NEUROG1: variants seen among roughly 807,000 people sequenced by gnomAD.
NEUROG1 encodes neurogenin-1.
NEUROG1 carries 5 observed loss-of-function variants against 5.7 expected under a neutral mutation model. That is an observed-to-expected ratio of 0.88 (90% CI 0.46 to 1.85). The LOEUF (loss-of-function observed/expected upper bound fraction) is 1.85, where lower values mean the gene tolerates loss of function less well. Among genes scored for constraint, NEUROG1 ranks in the 40% most tolerant of loss-of-function variants. NEUROG1 has a pLI of 0.01. For missense variants in NEUROG1, 403 were observed against 345.7 expected (o/e 1.17, Z -1.32); for synonymous variants, 196 against 157.4 (o/e 1.25, Z -1.84).
Position 135,535,427 on chromosome 5 carries a change from C to A in NEUROG1, c.264G>T (p.Ser88=), listed in dbSNP as rs1205018650. 1 of 1,595,222 alleles carries A rather than the reference C, an allele frequency of 6.3e-7. No homozygotes were observed. The highest frequency in any genetic ancestry group is 8.5e-7 in the Non-Finnish European group (1 of 1,171,700). ...CCTTGACGCGCCGGCTCCTGCGCAG[C>A]GAGTGCAGCAGCGCCTCGGAGCGGA... ...TRVRSEALLH[S]LRRSRRVKAN... is the part of the protein sequence containing the mutation. Residue 88 remains serine, a synonymous_variant, in exon 1 of 1, where the codon TCG becomes TCT. Coordinates refer to ENST00000314744, the MANE Select transcript of NEUROG1 (RefSeq NM_006161.3).
Position 135,535,236 on chromosome 5 carries a change from T to TC in NEUROG1, c.454dup (p.Asp152GlyfsTer47). On this transcript the variant is annotated frameshift_variant, in exon 1 of 1. Coordinates refer to ENST00000314744, the MANE Select transcript of NEUROG1 (RefSeq NM_006161.3). LOFTEE classifies it high-confidence loss of function. ...GGCACCGCCTCCGGGCAGCCCTTGA[T>TC]CCGCCAGGCGCAGTGTCTCGGCCAG... The TC allele has an allele frequency of 1.2e-6, 2 of 1,612,986 alleles. No homozygotes were observed. Among genetic ancestry groups the TC allele is most frequent in the Non-Finnish European group, 8.5e-7 (1 of 1,179,562 alleles).
rs1178750931 is a variant in NEUROG1, at chr5:135,534,932, C to A, written c.*45G>T. On this transcript the variant is annotated 3_prime_UTR_variant, in exon 1 of 1. Transcript: ENST00000314744. Reference sequence around the variant, plus strand: ...GCGGCAGCTGGGGCCCCATCTATTGCCTGCTGACTAGGGGAGGGGGAAAGT... The same window carrying A: ...GCGGCAGCTGGGGCCCCATCTATTGACTGCTGACTAGGGGAGGGGGAAAGT... The A allele has an allele frequency of 1.3e-6, 2 of 1,578,530 alleles. No homozygotes were observed. Among genetic ancestry groups the A allele is most frequent in the Admixed American group, 1.8e-5 (1 of 54,826 alleles).
In NEUROG1 at chr5:135,535,752, T is replaced by C; in HGVS notation, c.-62A>G. Reference sequence around the variant, plus strand: ...GCGCTCAGAGCGCTGCAGCCCGGACTGAGGGCAGAGCCGCCAGGGCGCACT... The same window carrying C: ...GCGCTCAGAGCGCTGCAGCCCGGACCGAGGGCAGAGCCGCCAGGGCGCACT... On this transcript the variant is annotated 5_prime_UTR_variant, in exon 1 of 1. Coordinates refer to ENST00000314744, the MANE Select transcript of NEUROG1 (RefSeq NM_006161.3). The C allele has an allele frequency of 7.0e-7, 1 of 1,419,884 alleles. No individual in the cohort carries two copies. The highest frequency in any genetic ancestry group is 9.4e-7 in the Non-Finnish European group (1 of 1,069,352). 88.0% of individuals were successfully genotyped at this position (1,419,884 alleles called of 1,614,324 possible).
chr5:135,535,901 C>G lies in NEUROG1; in HGVS notation c.-211G>C, dbSNP rs1750536658. 2 of 477,956 alleles carry G rather than the reference C, an allele frequency of 4.2e-6. No homozygotes were observed. Among genetic ancestry groups the G allele is most frequent in the African/African-American group, 4.1e-5 (2 of 48,862 alleles). The allele number at this position is 477,956 out of a possible 1,614,324, so 29.6% of individuals were successfully genotyped here. ...CGCCTCGCCTGCAGGGGCCACGCGCCCGGCCGGTCTCCTGAGTGATGTCGC... is the reference window on the plus strand; with the variant it reads ...CGCCTCGCCTGCAGGGGCCACGCGCGCGGCCGGTCTCCTGAGTGATGTCGC... On this transcript the variant is annotated 5_prime_UTR_variant, in exon 1 of 1. Transcript: ENST00000314744.
Position 135,535,236 on chromosome 5 carries a change from T to C in NEUROG1, c.455A>G (p.Asp152Gly). The C allele has an allele frequency of 1.9e-6, 3 of 1,612,986 alleles. No individual in the cohort carries two copies. Among genetic ancestry groups the C allele is most frequent in the Non-Finnish European group, 8.5e-7 (1 of 1,179,562 alleles). ...GGCACCGCCTCCGGGCAGCCCTTGA[T>C]CCGCCAGGCGCAGTGTCTCGGCCAG... ...WALAETLRLA[D>G]QGLPGGGARE... Residue 152 changes from aspartate to glycine, a missense_variant, in exon 1 of 1, where the codon GAT (aspartate) becomes GGT (glycine). By Grantham distance (94) the Asp-to-Gly change is moderately conservative. Transcript: ENST00000314744.
chr5:135,534,808 A>T lies in NEUROG1; in HGVS notation c.*169T>A. 7.6e-6 allele frequency: 5 copies of T among 662,020 alleles called. No individual in the cohort carries two copies. The highest frequency in any genetic ancestry group is 1.3e-5 in the Non-Finnish European group (5 of 393,764). 41.0% of individuals were successfully genotyped at this position (662,020 alleles called of 1,614,324 possible). A position where few individuals can be genotyped will look rare whatever the true frequency, so the allele number is the denominator to read the frequency against. ...GGGCCGGAGAAACAGACCAAGAGAC[A>T]TCCGCCGCGAGGGTGCGGCGACCTA... On this transcript the variant is annotated 3_prime_UTR_variant, in exon 1 of 1. Transcript: ENST00000314744.
chr5:135,534,827 C>T lies in NEUROG1; in HGVS notation c.*150G>A, dbSNP rs1750497356. 7 of 740,598 alleles carry T rather than the reference C, an allele frequency of 9.5e-6. No individual in the cohort carries two copies. The highest frequency in any genetic ancestry group is 3.7e-5 in the African/African-American group (2 of 53,772). 45.9% of individuals were successfully genotyped at this position (740,598 alleles called of 1,614,324 possible). On this transcript the variant is annotated 3_prime_UTR_variant, in exon 1 of 1. Transcript: ENST00000314744. ...AGAGACATCCGCCGCGAGGGTGCGG[C>T]GACCTAACAAGCGGCTCAGGTATCC...
chr5:135,535,580 C>G lies in NEUROG1; in HGVS notation c.111G>C (p.Gln37His). Residue 37 changes from glutamine to histidine, a missense_variant, in exon 1 of 1, where the codon CAG becomes CAC. Transcript: ENST00000314744. ...CGGGCGGCCCCGAAGCGGAGGCTGC[C>G]TGTTGGAGTCTGGCACAGTCTTCCT... ...TDEEDCARLQ[Q>H]AASASGPPAP... 2 of 1,588,740 alleles carry G rather than the reference C, an allele frequency of 1.3e-6. No homozygotes were observed. Among genetic ancestry groups the G allele is most frequent in the African/African-American group, 2.7e-5 (2 of 74,062 alleles).
chr5:135,535,647 G>A lies in NEUROG1; in HGVS notation c.44C>T (p.Ala15Val), dbSNP rs962073853. ...LETCISDLDC[A>V]SSSGSDLSGF... is the part of the protein sequence containing the mutation. ...GGATAGGTCACTGCCGCTGCTGCTG[G>A]CGCAGTCGAGGTCGGAGATGCAGGT... The change falls in exon 1 of 1, where the codon GCC (alanine) becomes GTC (valine). Residue 15 changes from alanine to valine, a missense_variant. Coordinates refer to ENST00000314744, the MANE Select transcript of NEUROG1 (RefSeq NM_006161.3). 6.9e-6 allele frequency: 11 copies of A among 1,584,298 alleles called. No individual in the cohort carries two copies. In the Admixed American group the frequency reaches 1.8e-4, roughly 26 times the overall value.
Position 135,534,798 on chromosome 5 carries a change from A to T in NEUROG1, c.*179T>A. 1.6e-6 allele frequency: 1 copy of T among 641,482 alleles called. No homozygotes were observed. The highest frequency in any genetic ancestry group is 2.7e-6 in the Non-Finnish European group (1 of 376,844). The allele number at this position is 641,482 out of a possible 1,614,324, so 39.7% of individuals were successfully genotyped here. ...GCTGGGCTGAGGGCCGGAGAAACAG[A>T]CCAAGAGACATCCGCCGCGAGGGTG... On this transcript the variant is annotated 3_prime_UTR_variant, in exon 1 of 1. Coordinates refer to ENST00000314744, the MANE Select transcript of NEUROG1 (RefSeq NM_006161.3).
rs935132066 is a variant in NEUROG1, at chr5:135,535,903, G to A, written c.-213C>T. 4 of 478,822 alleles carry A rather than the reference G, an allele frequency of 8.4e-6. No homozygotes were observed. Among genetic ancestry groups the A allele is most frequent in the Non-Finnish European group, 1.5e-5 (4 of 272,442 alleles). The allele number at this position is 478,822 out of a possible 1,614,324, so 29.7% of individuals were successfully genotyped here. ...CCTCGCCTGCAGGGGCCACGCGCCC[G>A]GCCGGTCTCCTGAGTGATGTCGCCG... On this transcript the variant is annotated 5_prime_UTR_variant, in exon 1 of 1. Coordinates refer to ENST00000314744, the MANE Select transcript of NEUROG1 (RefSeq NM_006161.3).
chr5:135,535,565 C>A lies in NEUROG1; in HGVS notation c.126G>T (p.Ser42=), dbSNP rs771128706. ...CARLQQAASA[S]GPPAPARRGA... is the part of the protein sequence containing the mutation. Reference sequence around the variant, plus strand: ...CCCTGCGGGCCGGCGCGGGCGGCCCCGAAGCGGAGGCTGCCTGTTGGAGTC... The same window carrying A: ...CCCTGCGGGCCGGCGCGGGCGGCCCAGAAGCGGAGGCTGCCTGTTGGAGTC... Residue 42 remains serine (S), a synonymous_variant, in exon 1 of 1, where the codon TCG becomes TCT. Transcript: ENST00000314744. 1 of 1,579,112 alleles carries A rather than the reference C, an allele frequency of 6.3e-7. No individual in the cohort carries two copies. The highest frequency in any genetic ancestry group is 1.4e-5 in the African/African-American group (1 of 73,842).
At position 135,535,879 on chromosome 5, in the gene NEUROG1, C is replaced by T. The variant is rs186987795; in HGVS notation, c.-189G>A. 70 of 508,518 alleles carry T rather than the reference C, an allele frequency of 1.4e-4. No individual in the cohort carries two copies. Among genetic ancestry groups the T allele is most frequent in the African/African-American group, 1.2e-3 (57 of 49,406 alleles). The allele number at this position is 508,518 out of a possible 1,614,324, so 31.5% of individuals were successfully genotyped here. A position where few individuals can be genotyped will look rare whatever the true frequency, so the allele number is the denominator to read the frequency against. ...GGAGAACTTGGCCTGGCCTCCTCGC[C>T]TCGCCTGCAGGGGCCACGCGCCCGG... On this transcript the variant is annotated 5_prime_UTR_variant, in exon 1 of 1. Coordinates refer to ENST00000314744, the MANE Select transcript of NEUROG1 (RefSeq NM_006161.3).
rs927732221 is a variant in NEUROG1 at position 135,534,430 on chromosome 5, G to A, written c.*547C>T. 6.5e-6 allele frequency: 1 copy of A among 154,180 alleles called. No individual in the cohort carries two copies. Among genetic ancestry groups the A allele is most frequent in the African/African-American group, 2.4e-5 (1 of 41,452 alleles). The allele number at this position is 154,180 out of a possible 1,614,324, so 9.6% of individuals were successfully genotyped here. On this transcript the variant is annotated 3_prime_UTR_variant, in exon 1 of 1. Coordinates refer to ENST00000314744, the MANE Select transcript of NEUROG1 (RefSeq NM_006161.3). Reference sequence around the variant, plus strand: ...AAATTAAAGTACTCTCCAGCCCTGTGCCTGAATAGCTAAGCAAGAGTCTCC... The same window carrying A: ...AAATTAAAGTACTCTCCAGCCCTGTACCTGAATAGCTAAGCAAGAGTCTCC...
rs779920791 is a variant in NEUROG1, at chr5:135,535,465, C to CGCG, written c.223_225dup (p.Arg75dup). 2 of 1,565,020 alleles carry CGCG rather than the reference C, an allele frequency of 1.3e-6. No individual in the cohort carries two copies. Among genetic ancestry groups the CGCG allele is most frequent in the East Asian group, 4.7e-5 (2 of 42,530 alleles). On this transcript the variant is annotated inframe_insertion, in exon 1 of 1. Coordinates refer to ENST00000314744, the MANE Select transcript of NEUROG1 (RefSeq NM_006161.3). ...GCCTCGGAGCGGACCCGCGTCCGGC[C>CGCG]GCGGCGCCGCCGCCTCTCCTGCTCG...
At position 135,535,890 on chromosome 5, in the gene NEUROG1, G is replaced by C; in HGVS notation, c.-200C>G. ...CCTGGCCTCCTCGCCTCGCCTGCAG[G>C]GGCCACGCGCCCGGCCGGTCTCCTG... On this transcript the variant is annotated 5_prime_UTR_variant, in exon 1 of 1. Transcript: ENST00000314744. 1 of 486,012 alleles carries C rather than the reference G, an allele frequency of 2.1e-6. No homozygotes were observed. The highest frequency in any genetic ancestry group is 3.5e-5 in the East Asian group (1 of 28,680). The allele number at this position is 486,012 out of a possible 1,614,324, so 30.1% of individuals were successfully genotyped here. A position where few individuals can be genotyped will look rare whatever the true frequency, so the allele number is the denominator to read the frequency against.
Sources: gnomAD v4.1 joint callset for allele counts on GRCh38, gnomAD v4.1.1 for gene constraint, MANE v1.5 for transcripts, NCBI Gene and HGNC (gene_info 2026-07-23, HGNC 2026-07-21) for gene names.